TEX11: variants seen among roughly 807,000 people sequenced by gnomAD.
The protein encoded by TEX11 is testis expressed 11.
Under a neutral mutation model 84.4 loss-of-function variants are expected in TEX11, and 7 were observed. That is an observed-to-expected ratio of 0.08 (90% CI 0.05 to 0.16). TEX11 has a LOEUF of 0.16. TEX11 is among the 10% of genes least tolerant of loss of function. The pLI, the probability that TEX11 is intolerant of heterozygous loss-of-function variation, is 1.00. For missense variants in TEX11, 551 were observed against 660.5 expected (o/e 0.83, Z 1.82); for synonymous variants, 264 against 222.8 (o/e 1.18, Z -1.64).
In TEX11 at chrX:70,807,233, G is replaced by C. The variant is rs1408659174; in HGVS notation, c.607-443C>G. On this transcript the variant is annotated intron_variant, in intron 8 of 29. Transcript: ENST00000374333. ...AAAAATCACTATTGACGAGGAGTGAGGTTGGGAAATGAATGATTTTTTTTT... is the reference window on the plus strand; with the variant it reads ...AAAAATCACTATTGACGAGGAGTGACGTTGGGAAATGAATGATTTTTTTTT... Among the ~76,000 whole-genome samples the C allele has an allele frequency of 1.3e-4, 13 of 101,945 alleles. No homozygotes were observed. The Admixed American group carries it at 1.5e-3, about 12-fold the overall frequency. 88.5% of individuals were successfully genotyped at this position (101,945 alleles called of 115,157 possible).
At chrX:70,740,878 A>T in intron 10 of TEX11, 82 bp from the exon 11 acceptor site, 1 of 560,360 alleles carries the variant, frequency 1.8e-6, no homozygotes, top group Non-Finnish European at 2.8e-6. Context: ...TCCCACAGTG[A>T]CAGGCATCTT....
chrX:70,522,992 G>C, the TEX11 span, among the ~76,000 whole-genome samples: 3 of 109,163 alleles, frequency 2.7e-5, no homozygotes, highest in African/African-American at 1.0e-4. Context: ...TAAAAAAACA[G>C]AGGCCATTTA....
rs1266626782 is a variant in TEX11, at chrX:70,814,752, C to T, written c.607-7962G>A. Among the ~76,000 whole-genome samples, 6 of 112,532 alleles carry T rather than the reference C, an allele frequency of 5.3e-5. No homozygotes were observed. In the Admixed American group the frequency reaches 5.7e-4, roughly 11 times the overall value. ...TCAAAGAGTTTCAGACATCAATTGG[C>T]CATTTCCTTTGCATAAATAAAAGCT... On this transcript the variant is annotated intron_variant, in intron 8 of 29. Transcript: ENST00000374333.
At chrX:70,595,586 G>A (rs2088995661) in intron 24 of TEX11, among the ~76,000 whole-genome samples, 1 of 111,119 alleles carries the variant, frequency 9.0e-6, no homozygotes, top group Admixed American at 9.6e-5. Context: ...GATAAATTAA[G>A]ATCTATATTG....
chrX:70,595,462 T>C (rs2088993176), intron 24 of TEX11, among the ~76,000 whole-genome samples: 1 of 111,368 alleles, frequency 9.0e-6, no homozygotes, highest in African/African-American at 3.3e-5. Context: ...TTGGAGCATA[T>C]ATAGATGTAA....
chrX:70,802,571 T>C (rs5936990), intron 9 of TEX11, among the ~76,000 whole-genome samples: 1 of 109,446 alleles, frequency 9.1e-6, no homozygotes, highest in Non-Finnish European at 1.9e-5. Context: ...TCTTCTTACT[T>C]CAAAAGGAAA....
intron 7 of TEX11, among the ~76,000 whole-genome samples, chrX:70,841,337 C>T (rs1488860499): frequency 2.7e-5 from 3 of 110,929 alleles, no homozygotes; most frequent in Admixed American, 9.7e-5. Flanking sequence ...GACTCAAAAC[C>T]GCTCAACTAC....
chrX:70,810,007 G>A (rs1349231831), intron 8 of TEX11, among the ~76,000 whole-genome samples: 3 of 112,299 alleles, frequency 2.7e-5, no homozygotes, highest in African/African-American at 9.7e-5. Context: ...CTTCTCAAAA[G>A]AAGACATTTA....
In TEX11 at chrX:70,628,054, C is replaced by A. The variant is rs1031720357; in HGVS notation, c.1608+1557G>T. 1.0e-4 allele frequency among the ~76,000 whole-genome samples: 11 copies of A among 110,126 alleles called. No homozygotes were observed. In the South Asian group the frequency reaches 4.4e-3, roughly 44 times the overall value. On this transcript the variant is annotated intron_variant, in intron 18 of 29. Transcript: ENST00000374333. Reference sequence around the variant, plus strand: ...GACCAGCTTGGCCAACATGGTGAAACCCCGCCTCTACTAAAAATACAAAAA... The same window carrying A: ...GACCAGCTTGGCCAACATGGTGAAAACCCGCCTCTACTAAAAATACAAAAA...
chrX:70,697,581 G>A (rs761159412), intron 13 of TEX11, among the ~76,000 whole-genome samples: 1 of 112,125 alleles, frequency 8.9e-6, no homozygotes, highest in East Asian at 2.8e-4. Context: ...TGCTAAAGAA[G>A]CTAAATGCAG....
chrX:70,805,565 T>C (rs1265517207), intron 9 of TEX11, among the ~76,000 whole-genome samples: 2 of 110,504 alleles, frequency 1.8e-5, no homozygotes, highest in African/African-American at 3.3e-5. Flanking sequence ...CACACCCGCC[T>C]AATTTTTGTA....
intron 13 of TEX11, among the ~76,000 whole-genome samples, chrX:70,691,063 T>C (rs897575373): frequency 1.1e-4 from 12 of 111,805 alleles, no homozygotes; most frequent in African/African-American, 3.9e-4. Context: ...AACATACAAA[T>C]AGCCAAAAGA....
chrX:70,905,096 G>A (rs892123680), intron 2 of TEX11, among the ~76,000 whole-genome samples: 1 of 111,820 alleles, frequency 8.9e-6, no homozygotes, highest in Non-Finnish European at 1.9e-5. Context: ...GCCGAGGCGG[G>A]CAGATTGCCT....
chrX:70,560,757 T>C (rs2088357687), intron 25 of TEX11, among the ~76,000 whole-genome samples: 1 of 110,102 alleles, frequency 9.1e-6, no homozygotes, highest in Non-Finnish European at 1.9e-5. Context: ...AGGTCTCACT[T>C]TGTCACCCAG....
chrX:70,681,541 A>T (rs1316476237), intron 14 of TEX11, among the ~76,000 whole-genome samples: 2 of 112,241 alleles, frequency 1.8e-5, no homozygotes. Flanking sequence ...TGACCACTTG[A>T]GGTCAACATT....
At chrX:70,576,764 T>A (rs1157864251) in intron 25 of TEX11, among the ~76,000 whole-genome samples, 1 of 112,662 alleles carries the variant, frequency 8.9e-6, no homozygotes, top group African/African-American at 3.2e-5. Context: ...AGGGTATTTG[T>A]GTACACATAC....
chrX:70,843,846 A>C (rs1367076861), intron 7 of TEX11, among the ~76,000 whole-genome samples: 2 of 112,119 alleles, frequency 1.8e-5, no homozygotes, highest in African/African-American at 6.5e-5. Flanking sequence ...ATGCAGCCAA[A>C]AAACACATGA....
chrX:70,861,338 G>A (rs1367515291), intron 4 of TEX11, among the ~76,000 whole-genome samples: 2 of 110,887 alleles, frequency 1.8e-5, no homozygotes, highest in Non-Finnish European at 1.9e-5. Flanking sequence ...TGGGATTACA[G>A]GCGTGAGCCA....
intron 13 of TEX11, among the ~76,000 whole-genome samples, chrX:70,695,840 T>C (rs948942466): frequency 2.5e-4 from 28 of 111,756 alleles, no homozygotes; most frequent in African/African-American, 7.8e-4. Context: ...CTCAGCTCCT[T>C]GGAGTTAGTT....
Sources: allele counts gnomAD v4.1 joint callset (sites outside exome capture counted in the v4.1 genomes callset), GRCh38; gene constraint gnomAD v4.1.1; transcripts MANE v1.5; gene names NCBI Gene and HGNC (gene_info 2026-07-23, HGNC 2026-07-21).